Variants in MAGI3 observed in about 807,000 individuals in gnomAD.
The protein encoded by MAGI3 is membrane associated guanylate kinase, WW and PDZ domain containing 3.
MAGI3 carries 43 observed loss-of-function variants against 121.8 expected under a neutral mutation model. The observed-to-expected ratio is 0.35, with a 90% CI of 0.28 to 0.46. The LOEUF (loss-of-function observed/expected upper bound fraction) is 0.46. MAGI3 is among the 20% of genes least tolerant of loss of function. The pLI, the probability that MAGI3 is intolerant of heterozygous loss-of-function variation, is 1.00. For synonymous variants in MAGI3, 553 were observed against 639.3 expected (o/e 0.86, Z 2.04); for missense variants, 1,547 against 1,797.3 (o/e 0.86, Z 2.52).
At chr1:113,646,253 G>A (rs989169519) in intron 11 of MAGI3, among the ~76,000 whole-genome samples, 2 of 151,732 alleles carry the variant, frequency 1.3e-5, no homozygotes, top group South Asian at 4.2e-4. Flanking sequence ...GACTAACTAA[G>A]GCTCTTCAGT....
At chr1:113,631,731 G>A (rs888542755) in intron 9 of MAGI3, among the ~76,000 whole-genome samples, 1 of 152,056 alleles carries the variant, frequency 6.6e-6, no homozygotes, top group African/African-American at 2.4e-5. Context: ...AAGTTTGTTT[G>A]CTTCCTTAAT....
At chr1:113,516,474 G>C (rs1445113329) in intron 1 of MAGI3, among the ~76,000 whole-genome samples, 1 of 149,396 alleles carries the variant, frequency 6.7e-6, no homozygotes, top group Non-Finnish European at 1.5e-5. Flanking sequence ...TAACAGGAGA[G>C]CTCTCAACTG....
intron 2 of MAGI3, among the ~76,000 whole-genome samples, chr1:113,560,906 A>G (rs1660207103): frequency 6.6e-6 from 1 of 152,186 alleles, no homozygotes; most frequent in South Asian, 2.1e-4. Context: ...ATTCAAATAA[A>G]CACAATCAGA....
At chr1:113,633,238 ATTTTTTTTTTTTTTTTTTTTT>A (rs71090716) in intron 9 of MAGI3, among the ~76,000 whole-genome samples, 32 of 56,668 alleles carry the variant, frequency 5.6e-4, no homozygotes, top group African/African-American at 1.2e-3. Context: ...TGAACTCATC[ATTTTTTTTTTTTTTTTTTTTT>A]TTTTTTTTTT....
chr1:113,457,415 G>A (rs1167346337), intron 1 of MAGI3, among the ~76,000 whole-genome samples: 3 of 152,234 alleles, frequency 2.0e-5, no homozygotes, highest in South Asian at 2.1e-4. Context: ...GAGATTATAC[G>A]ACAGTAACAG....
chr1:113,476,199 G>C (rs1018562291), intron 1 of MAGI3, among the ~76,000 whole-genome samples: 2 of 151,930 alleles, frequency 1.3e-5, no homozygotes, highest in Non-Finnish European at 2.9e-5. Flanking sequence ...TTTTTTGAAG[G>C]GTTTTTTGTG....
chr1:113,561,869 C>T (rs1660250923), intron 2 of MAGI3, among the ~76,000 whole-genome samples: 1 of 152,106 alleles, frequency 6.6e-6, no homozygotes, highest in Non-Finnish European at 1.5e-5. Flanking sequence ...AAAATTCCAC[C>T]GTTTCTGCCC....
chr1:113,439,821 C>T (rs1370108632), intron 1 of MAGI3, among the ~76,000 whole-genome samples: 1 of 151,014 alleles, frequency 6.6e-6, no homozygotes, highest in African/African-American at 2.4e-5. Flanking sequence ...TTATCTCCAT[C>T]TTATAGTTCA....
chr1:113,463,128 G>C (rs1655112613), intron 1 of MAGI3, among the ~76,000 whole-genome samples: 1 of 152,002 alleles, frequency 6.6e-6, no homozygotes, highest in African/African-American at 2.4e-5. Flanking sequence ...CCAGTCTAGT[G>C]GTCCCAGATA....
At chr1:113,619,714 T>G in intron 7 of MAGI3, 22 bp from the exon 8 acceptor site, 1 of 1,471,080 alleles carries the variant, frequency 6.8e-7, no homozygotes, top group African/African-American at 1.4e-5. Flanking sequence ...AACTGAAATG[T>G]ATATTTTTCT....
chr1:113,606,368 T>G (rs1319282549), intron 6 of MAGI3, among the ~76,000 whole-genome samples: 1 of 152,188 alleles, frequency 6.6e-6, no homozygotes, highest in African/African-American at 2.4e-5. Flanking sequence ...AAAGGCAAAC[T>G]AGAATATATA....
intron 1 of MAGI3, among the ~76,000 whole-genome samples, chr1:113,421,653 C>G (rs1652739016): frequency 6.6e-6 from 1 of 152,212 alleles, no homozygotes; most frequent in East Asian, 1.9e-4. Context: ...AAGCTTGTAC[C>G]AGGTACTTGG....
chr1:113,608,038 G>T (rs1177562709), intron 6 of MAGI3, among the ~76,000 whole-genome samples: 1 of 152,076 alleles, frequency 6.6e-6, no homozygotes. Flanking sequence ...AGCCCCTTCT[G>T]TCATTTTCTT....
intron 1 of MAGI3, among the ~76,000 whole-genome samples, chr1:113,435,506 A>G (rs534886743): frequency 4.6e-5 from 7 of 152,262 alleles, no homozygotes; most frequent in Admixed American, 2.6e-4. Context: ...AATTTAGAGA[A>G]GTGGTTTATT....
At chr1:113,602,425 A>G (rs987767147) in intron 6 of MAGI3, among the ~76,000 whole-genome samples, 1 of 152,196 alleles carries the variant, frequency 6.6e-6, no homozygotes. Context: ...GAATGATAAT[A>G]GTGACATAAG....
chr1:113,425,611 A>G (rs1468418262), intron 1 of MAGI3, among the ~76,000 whole-genome samples: 2 of 152,098 alleles, frequency 1.3e-5, no homozygotes, highest in Admixed American at 6.5e-5. Context: ...AAATGTTTAT[A>G]GGACTATTCA....
At chr1:113,580,424 G>A (rs943470901) in intron 2 of MAGI3, 118 bp from the exon 3 acceptor site, 11 of 796,868 alleles carry the variant, frequency 1.4e-5, no homozygotes, top group Non-Finnish European at 2.0e-5. Context: ...AATAAAGTTG[G>A]GGCAGGGGAA....
chr1:113,541,424 T>G (rs1462185312), intron 1 of MAGI3, among the ~76,000 whole-genome samples: 4 of 152,330 alleles, frequency 2.6e-5, no homozygotes, highest in East Asian at 1.9e-4. Flanking sequence ...TTCTTCAAAC[T>G]GTAACTTGAA....
chr1:113,508,696 CTAT>C (rs891805800), intron 1 of MAGI3, among the ~76,000 whole-genome samples: 9 of 152,126 alleles, frequency 5.9e-5, no homozygotes, highest in African/African-American at 2.2e-4. Context: ...TTAAATGTAC[CTAT>C]AGACATTTTG....
Sources: allele counts gnomAD v4.1 joint callset (sites outside exome capture counted in the v4.1 genomes callset), GRCh38; gene constraint gnomAD v4.1.1; transcripts MANE v1.5; gene names NCBI Gene and HGNC (gene_info 2026-07-23, HGNC 2026-07-21).